ADAM18: variants seen among roughly 807,000 people sequenced by gnomAD.
ADAM18 encodes the protein ADAM metallopeptidase domain 18.
In ADAM18, 117 loss-of-function variants were observed where a neutral mutation model predicts 94.4. That is an observed-to-expected ratio of 1.24 (90% confidence interval 1.07 to 1.45). The LOEUF (loss-of-function observed/expected upper bound fraction) is 1.45. ADAM18 is among the 40% of genes most tolerant of loss of function. The pLI, the probability that ADAM18 is intolerant of heterozygous loss-of-function variation, is 0.00. For synonymous variants in ADAM18, 327 were observed against 291.6 expected, an observed-to-expected ratio of 1.12 and a Z score of -1.24; for missense variants, 936 against 880.0, an observed-to-expected ratio of 1.06 and a Z score of -0.81.
At chr8:39,585,209 C>T in intron 1 of ADAM18, 67 bp from the exon 2 acceptor site, 2 of 1,304,432 alleles carry the variant, frequency 1.5e-6, no homozygotes, top group Non-Finnish European at 2.2e-6. Flanking sequence ...GGATAAGAAC[C>T]CGTGCTTGAC....
intron 7 of ADAM18, among the ~76,000 whole-genome samples, chr8:39,633,055 C>T (rs561768591): frequency 1.3e-5 from 2 of 152,244 alleles, no homozygotes; most frequent in Admixed American, 1.3e-4. Flanking sequence ...CTGTAGCTTG[C>T]CTTTCTGCTT....
At chr8:39,719,055 AT>A (rs1822668852) in intron 18 of ADAM18, among the ~76,000 whole-genome samples, 1 of 151,056 alleles carries the variant, frequency 6.6e-6, no homozygotes, top group Non-Finnish European at 1.5e-5. Context: ...TGAAAAAAAA[AT>A]GTTGGAGGAA....
intron 6 of ADAM18, among the ~76,000 whole-genome samples, chr8:39,621,786 G>A (rs915274764): frequency 5.9e-5 from 9 of 152,280 alleles, no homozygotes; most frequent in Admixed American, 1.3e-4. Flanking sequence ...GGATATGGAT[G>A]GAGCTGGAAG....
rs1820124609 is a variant in ADAM18, at chr8:39,637,716, T to C, written c.827+13T>C. The C allele has an allele frequency of 6.5e-7, 1 of 1,542,460 alleles. No individual in the cohort carries two copies. The highest frequency in any genetic ancestry group is 8.7e-7 in the Non-Finnish European group (1 of 1,146,090). Reference sequence around the variant, plus strand: ...CATACTTACTTGTGTAAGCACAATGTTCTACATTAATAAAGATATCTGCAT... The same window carrying C: ...CATACTTACTTGTGTAAGCACAATGCTCTACATTAATAAAGATATCTGCAT... On this transcript the variant is annotated intron_variant, in intron 9 of 19. Coordinates refer to ENST00000265707, the MANE Select transcript of ADAM18 (RefSeq NM_014237.3).
At chr8:39,712,421 T>C (rs1822438730) in intron 18 of ADAM18, among the ~76,000 whole-genome samples, 1 of 152,090 alleles carries the variant, frequency 6.6e-6, no homozygotes, top group South Asian at 2.1e-4. Context: ...CTATTCAACA[T>C]AGTGTTGGAA....
At position 39,587,139 on chromosome 8, in the gene ADAM18, C is replaced by G. The variant is rs541515322; in HGVS notation, c.132+1787C>G. ...CCTGAGTTTGAATATATGCATACAC[C>G]CATGATATCATGACCACAGTCGATG... On this transcript the variant is annotated intron_variant, in intron 2 of 19. Coordinates refer to ENST00000265707, the MANE Select transcript of ADAM18 (RefSeq NM_014237.3). 1.6e-4 allele frequency among the ~76,000 whole-genome samples: 25 copies of G among 152,210 alleles called. No homozygotes were observed. The South Asian group carries it at 5.0e-3, about 30-fold the overall frequency.
At chr8:39,635,245 A>T (rs1820045740) in intron 7 of ADAM18, among the ~76,000 whole-genome samples, 1 of 152,174 alleles carries the variant, frequency 6.6e-6, no homozygotes, top group Non-Finnish European at 1.5e-5. Flanking sequence ...AGCAGGGCAA[A>T]TGGACTAAGG....
chr8:39,711,079 G>A (rs138818198), intron 18 of ADAM18, among the ~76,000 whole-genome samples: 1 of 152,206 alleles, frequency 6.6e-6, no homozygotes, highest in African/African-American at 2.4e-5. Flanking sequence ...TTTTGGCTAT[G>A]TACTTATTAT....
chr8:39,592,959 C>T (rs1000066218), intron 2 of ADAM18, among the ~76,000 whole-genome samples: 7 of 152,134 alleles, frequency 4.6e-5, no homozygotes, highest in African/African-American at 7.2e-5. Flanking sequence ...TTTAGTAGAG[C>T]GGTCTTCATC....
At chr8:39,707,012 T>A (rs1488870173) in intron 18 of ADAM18, 108 bp downstream of exon 18, 4 of 619,496 alleles carry the variant, frequency 6.5e-6, no homozygotes, top group Non-Finnish European at 1.1e-5. Flanking sequence ...ATTGCAGCAG[T>A]CCCTCCTTAT....
intron 16 of ADAM18, among the ~76,000 whole-genome samples, chr8:39,682,916 G>A (rs1821508389): frequency 6.6e-6 from 1 of 152,140 alleles, no homozygotes; most frequent in Admixed American, 6.6e-5. Context: ...AACATTAGAA[G>A]ATAAACTGTG....
intron 10 of ADAM18, among the ~76,000 whole-genome samples, chr8:39,642,612 A>G (rs1202555118): frequency 6.6e-6 from 1 of 151,922 alleles, no homozygotes; most frequent in Non-Finnish European, 1.5e-5. Flanking sequence ...CCATTAGTCT[A>G]GGTGTCTGTT....
At chr8:39,655,878 A>G (rs1053292530) in intron 12 of ADAM18, among the ~76,000 whole-genome samples, 1 of 152,058 alleles carries the variant, frequency 6.6e-6, no homozygotes, top group Non-Finnish European at 1.5e-5. Flanking sequence ...ATCTACAATA[A>G]TACCCAGGAA....
chr8:39,592,265 G>A (rs1331658537), intron 2 of ADAM18, among the ~76,000 whole-genome samples: 1 of 152,144 alleles, frequency 6.6e-6, no homozygotes, highest in Admixed American at 6.6e-5. Flanking sequence ...AGATTGGGTA[G>A]AATGATAGTT....
rs1822822667 is a variant in ADAM18 at position 39,723,731 on chromosome 8, A to G, written c.2018-17A>G. ...TCCACTGAGTCCCCACTAATTTATC[A>G]TATGATTCATTTCTAGGTGACTTTT... On this transcript the variant is annotated splice_polypyrimidine_tract_variant and intron_variant, in intron 18 of 19. Transcript: ENST00000265707. The G allele has an allele frequency of 7.6e-6, 11 of 1,442,122 alleles. No individual in the cohort carries two copies. Among genetic ancestry groups the G allele is most frequent in the African/African-American group, 1.5e-5 (1 of 68,152 alleles). The allele number at this position is 1,442,122 out of a possible 1,614,324, so 89.3% of individuals were successfully genotyped here. A position where few individuals can be genotyped will look rare whatever the true frequency, so the allele number is the denominator to read the frequency against.
At chr8:39,624,798 C>G (rs769858141) in intron 6 of ADAM18, among the ~76,000 whole-genome samples, 9 of 152,140 alleles carry the variant, frequency 5.9e-5, no homozygotes, top group Non-Finnish European at 8.8e-5. Context: ...TGTAGCACCT[C>G]CCCTGCTCTC....
chr8:39,637,575 C>T lies in ADAM18; in HGVS notation c.699C>T (p.Ser233=), dbSNP rs1820117332. ...TCAAATTGACTGTTATACTGTCTTC[C>T]TTGGAATTGTGGTCAAATGAAAACC... ...TQFKLTVILS[S]LELWSNENQI... is the part of the protein sequence containing the mutation. The change falls in exon 9 of 20, where the codon TCC becomes TCT. Residue 233 remains serine, a synonymous_variant. Coordinates refer to ENST00000265707, the MANE Select transcript of ADAM18 (RefSeq NM_014237.3). 2 of 1,612,320 alleles carry T rather than the reference C, an allele frequency of 1.2e-6. No homozygotes were observed. Among genetic ancestry groups the T allele is most frequent in the Non-Finnish European group, 8.5e-7 (1 of 1,179,064 alleles).
chr8:39,631,322 T>C (rs1353245844), intron 7 of ADAM18, among the ~76,000 whole-genome samples: 1 of 152,022 alleles, frequency 6.6e-6, no homozygotes, highest in African/African-American at 2.4e-5. Flanking sequence ...TGTATTTTTC[T>C]TTACCTTTTA....
rs370259651 is a variant in ADAM18 at position 39,630,003 on chromosome 8, T to C, written c.588+564T>C. 6.6e-5 allele frequency among the ~76,000 whole-genome samples: 10 copies of C among 152,038 alleles called. No individual in the cohort carries two copies. The East Asian group carries it at 1.7e-3, about 26-fold the overall frequency. On this transcript the variant is annotated intron_variant, in intron 7 of 19. Transcript: ENST00000265707. Reference sequence around the variant, plus strand: ...GTCACATTGTTTTATTGAATGCATATTTTTACCATCTTATAAAGCATATTC... The same window carrying C: ...GTCACATTGTTTTATTGAATGCATACTTTTACCATCTTATAAAGCATATTC...
Sources: allele counts gnomAD v4.1 joint callset (sites outside exome capture counted in the v4.1 genomes callset), GRCh38; gene constraint gnomAD v4.1.1; transcripts MANE v1.5; gene names NCBI Gene and HGNC (gene_info 2026-07-23, HGNC 2026-07-21).